The following ZRANB3 variants were observed in gnomAD, a reference collection of about 807,000 sequenced individuals.
The protein encoded by ZRANB3 is zinc finger RANBP2-type containing 3.
A neutral mutation model predicts 133.8 loss-of-function variants in ZRANB3; 125 were observed. The ratio of observed to expected loss-of-function variants is 0.93; its 90% confidence interval spans 0.81 to 1.08. The LOEUF is 1.08. ZRANB3 is among the 50% of genes least tolerant of loss of function. ZRANB3 has a pLI of 0.00. For synonymous variants in ZRANB3, 387 were observed against 432.7 expected, an observed-to-expected ratio of 0.89 and a Z score of 1.31; for missense variants, 1,229 against 1,275.5, an observed-to-expected ratio of 0.96 and a Z score of 0.56.
intron 3 of ZRANB3, among the ~76,000 whole-genome samples, chr2:135,380,891 AG>A (rs1686657479): frequency 6.6e-6 from 1 of 152,186 alleles, no homozygotes. Context: ...ATGGCCAAAT[AG>A]GAACAGCTCC....
At chr2:135,323,468 A>G (rs59024601) in intron 6 of ZRANB3, among the ~76,000 whole-genome samples, 15,874 of 152,198 alleles carry the variant, frequency 0.1, 1,090 homozygotes, top group South Asian at 0.32. Context: ...ATGATGACAG[A>G]TTACAAATAG....
chr2:135,493,525 CAT>C (rs1334223158), intron 2 of ZRANB3, among the ~76,000 whole-genome samples: 7 of 151,864 alleles, frequency 4.6e-5, no homozygotes, highest in African/African-American at 1.7e-4. Flanking sequence ...TTGTATATAA[CAT>C]ATATAACTAT....
At chr2:135,361,750 C>A (rs80288204) in intron 3 of ZRANB3, among the ~76,000 whole-genome samples, 1 of 152,046 alleles carries the variant, frequency 6.6e-6, no homozygotes, top group Non-Finnish European at 1.5e-5. Flanking sequence ...AAAGAAAACC[C>A]GCATAAAGAA....
At chr2:135,254,447 T>TA (rs199801326) in intron 12 of ZRANB3, among the ~76,000 whole-genome samples, 2,448 of 147,648 alleles carry the variant, frequency 0.017, 71 homozygotes, top group African/African-American at 0.059. Context: ...ATATAGTCTT[T>TA]TAAAAAAAAA....
chr2:135,350,153 G>A lies in ZRANB3; in HGVS notation c.422C>T (p.Thr141Ile), dbSNP rs1467164657. 6.2e-7 allele frequency: 1 copy of A among 1,612,658 alleles called. No individual in the cohort carries two copies. Among genetic ancestry groups the A allele is most frequent in the Admixed American group, 1.7e-5 (1 of 59,860 alleles). Residue 141 changes from threonine (T) to isoleucine (I), a missense_variant, in exon 5 of 21, where the codon ACT (threonine) becomes ATT (isoleucine). Transcript: ENST00000264159. ...CTGATTATTCAGTGCATCTATCAAA[G>A]TCTTTGCATCTGCGGTTAAGAGACC... Reference protein sequence around the residue: ...GYGLLTADAKTLIDALNNQNF... With the variant: ...GYGLLTADAKILIDALNNQNF...
At chr2:135,271,109 T>C (rs1162739654) in intron 10 of ZRANB3, among the ~76,000 whole-genome samples, 2 of 152,246 alleles carry the variant, frequency 1.3e-5, no homozygotes, top group Non-Finnish European at 2.9e-5. Context: ...CTGCTTAGAC[T>C]GCAGATAAGA....
chr2:135,415,703 C>G, intron 2 of ZRANB3, among the ~76,000 whole-genome samples: 1 of 152,158 alleles, frequency 6.6e-6, no homozygotes. Context: ...ATGCAAGAAT[C>G]CTCAATAAAA....
At chr2:135,372,039 G>A (rs1175338635) in intron 3 of ZRANB3, among the ~76,000 whole-genome samples, 2 of 151,944 alleles carry the variant, frequency 1.3e-5, no homozygotes, top group African/African-American at 4.8e-5. Flanking sequence ...GTGGTGGCAG[G>A]TGCCTGTAAT....
intron 2 of ZRANB3, among the ~76,000 whole-genome samples, chr2:135,489,783 G>GA (rs916680672): frequency 2.0e-5 from 3 of 151,242 alleles, no homozygotes; most frequent in Admixed American, 1.3e-4. Flanking sequence ...GGGTTTTGGA[G>GA]AAAAAAATAA....
intron 12 of ZRANB3, among the ~76,000 whole-genome samples, chr2:135,245,173 C>A (rs1490671309): frequency 6.6e-6 from 1 of 152,142 alleles, no homozygotes; most frequent in Non-Finnish European, 1.5e-5. Context: ...GTAAACCTTA[C>A]AAGTTAGGGT....
At chr2:135,470,256 C>T (rs568021268) in intron 2 of ZRANB3, among the ~76,000 whole-genome samples, 87 of 148,766 alleles carry the variant, frequency 5.8e-4, no homozygotes, top group Non-Finnish European at 7.4e-4. Flanking sequence ...ACCCAGGAGA[C>T]GAAGCTGCAG....
At chr2:135,201,763 C>T (rs572642540) in intron 20 of ZRANB3, among the ~76,000 whole-genome samples, 2 of 151,964 alleles carry the variant, frequency 1.3e-5, no homozygotes, top group South Asian at 4.2e-4. Flanking sequence ...TGATTAGCAT[C>T]TTTTAAAAAC....
chr2:135,417,759 C>T (rs1688654504), intron 2 of ZRANB3, among the ~76,000 whole-genome samples: 2 of 152,182 alleles, frequency 1.3e-5, no homozygotes, highest in Admixed American at 1.3e-4. Flanking sequence ...GGCACATATA[C>T]ACCATGGAAT....
At chr2:135,313,384 G>T in intron 8 of ZRANB3, 105 bp downstream of exon 8, 1 of 668,518 alleles carries the variant, frequency 1.5e-6, no homozygotes, top group Non-Finnish European at 2.4e-6. Flanking sequence ...TTAAACAATA[G>T]CAAAGAAATT....
intron 2 of ZRANB3, among the ~76,000 whole-genome samples, chr2:135,499,141 C>G (rs542362002): frequency 6.6e-6 from 1 of 152,240 alleles, no homozygotes; most frequent in Admixed American, 6.5e-5. Context: ...CATTTGATGT[C>G]TCCCCTGGAC....
chr2:135,472,500 A>AC (rs1307510349), intron 2 of ZRANB3, among the ~76,000 whole-genome samples: 3 of 150,460 alleles, frequency 2.0e-5, no homozygotes, highest in African/African-American at 7.3e-5. Context: ...TCGGTCTCAA[A>AC]AAAAAAAAAA....
intron 8 of ZRANB3, among the ~76,000 whole-genome samples, chr2:135,280,225 C>T (rs527239822): frequency 5.9e-5 from 9 of 152,142 alleles, no homozygotes; most frequent in African/African-American, 1.9e-4. Flanking sequence ...GCCTGTTAGT[C>T]GAAGATCTAA....
chr2:135,473,400 A>G (rs1010751811), intron 2 of ZRANB3, among the ~76,000 whole-genome samples: 2 of 152,362 alleles, frequency 1.3e-5, no homozygotes, highest in Non-Finnish European at 1.5e-5. Flanking sequence ...GGAAAAGGAC[A>G]TTGATATACT....
chr2:135,412,636 T>A (rs1423352012), intron 2 of ZRANB3, among the ~76,000 whole-genome samples: 2 of 152,240 alleles, frequency 1.3e-5, no homozygotes, highest in East Asian at 3.9e-4. Flanking sequence ...GTGTAAAAGC[T>A]AATGTGTGAA....
Sources: allele counts gnomAD v4.1 joint callset (sites outside exome capture counted in the v4.1 genomes callset), GRCh38; gene constraint gnomAD v4.1.1; transcripts MANE v1.5; gene names NCBI Gene and HGNC (gene_info 2026-07-23, HGNC 2026-07-21).